The following TOP2B variants were observed in gnomAD, a reference collection of about 807,000 sequenced individuals.
The protein encoded by TOP2B is DNA topoisomerase 2-beta.
A neutral mutation model predicts 193.5 loss-of-function variants in TOP2B; 51 were observed. That is an observed-to-expected ratio of 0.26 (90% CI 0.21 to 0.33). TOP2B has a LOEUF of 0.33. Ranked by LOEUF, TOP2B falls within the 10% of genes least tolerant of loss-of-function variation. The probability of loss-of-function intolerance (pLI) is 1.00; values close to 1 mark genes in which losing one functional copy is unlikely to be tolerated. For synonymous variants in TOP2B, 634 were observed against 635.7 expected (o/e 1.00, Z 0.04); for missense variants, 1,378 against 1,909.3 (o/e 0.72, Z 5.19).
At chr3:25,600,166 T>G (rs969461101) in intron 34 of TOP2B, among the ~76,000 whole-genome samples, 2 of 152,200 alleles carry the variant, frequency 1.3e-5, no homozygotes, top group African/African-American at 4.8e-5. Context: ...TAACCTCTTA[T>G]TCTCATCATT....
chr3:25,612,516 T>C lies in TOP2B; in HGVS notation c.3785A>G (p.Lys1262Arg), dbSNP rs771122264. The C allele has an allele frequency of 1.2e-6, 2 of 1,603,646 alleles. No individual in the cohort carries two copies. Among genetic ancestry groups the C allele is most frequent in the Non-Finnish European group, 1.7e-6 (2 of 1,175,052 alleles). Residue 1262 changes from lysine (K) to arginine (R), a missense_variant and splice_region_variant, in exon 28 of 36, where the codon AAG (lysine) becomes AGG (arginine). Physicochemically the swap from Lys to Arg is conservative, Grantham distance 26. This residue lies in a region of TOP2B where 556 missense variants were observed against 584.2 expected (regional missense o/e 0.95). Transcript: ENST00000264331. ...TCAATGACAAGAGGTATGTCATACCTTCTTCTTCTTCAGCAACTTTTTGCT... is the reference window on the plus strand; with the variant it reads ...TCAATGACAAGAGGTATGTCATACCCTCTTCTTCTTCAGCAACTTTTTGCT... ...DASKKLLKKK[K>R]GDLDTAAVKV... is the part of the protein sequence containing the mutation.
chr3:25,643,640 G>C (rs1268371057), intron 3 of TOP2B, 54 bp downstream of exon 3: 4 of 1,322,026 alleles, frequency 3.0e-6, no homozygotes, highest in Middle Eastern at 1.8e-4. Flanking sequence ...TATATAAAAG[G>C]ACACTATGAT....
intron 3 of TOP2B, 55 bp downstream of exon 3, chr3:25,643,639 G>GCCA: frequency 1.5e-6 from 2 of 1,316,484 alleles, no homozygotes; most frequent in South Asian, 2.4e-5. Context: ...ATATATAAAA[G>GCCA]GACACTATGA....
Position 25,639,331 on chromosome 3 carries a change from T to C in TOP2B, c.396-1021A>G, listed in dbSNP as rs541889609. Among the ~76,000 whole-genome samples the C allele has an allele frequency of 2.0e-5, 3 of 152,306 alleles. 1 individual carries two copies. Among genetic ancestry groups the C allele is most frequent in the African/African-American group, 4.8e-5 (2 of 41,574 alleles). ...CGTTTGTTTTTGTTTTTGTTTGAGATAGAGTCTCGCTCTGTCATCCAGGCT... is the reference window on the plus strand; with the variant it reads ...CGTTTGTTTTTGTTTTTGTTTGAGACAGAGTCTCGCTCTGTCATCCAGGCT... On this transcript the variant is annotated intron_variant, in intron 4 of 35. Coordinates refer to ENST00000264331, the MANE Select transcript of TOP2B (RefSeq NM_001330700.2).
At chr3:25,664,105 C>T in intron 1 of TOP2B, 124 bp downstream of exon 1, 2 of 1,412,340 alleles carry the variant, frequency 1.4e-6, no homozygotes, top group Admixed American at 4.1e-5. Context: ...GCACAGGCCC[C>T]TATGGAGCGC....
rs538397193 is a variant in TOP2B, at chr3:25,606,790, T to C, written c.4298+381A>G. Among the ~76,000 whole-genome samples, 7 of 152,234 alleles carry C rather than the reference T, an allele frequency of 4.6e-5. No homozygotes were observed. The South Asian group carries it at 1.0e-3, about 23-fold the overall frequency. The stretch of plus-strand genomic sequence containing the variant: ...TAGTAACTTTTCTCAAAACCAGGGG[T>C]TGTCCAACTATATCCCATGGACCTG... On this transcript the variant is annotated intron_variant, in intron 31 of 35. Transcript: ENST00000264331.
chr3:25,620,110 G>A (rs978567524), intron 22 of TOP2B, 48 bp from the exon 23 acceptor site: 2 of 1,188,598 alleles, frequency 1.7e-6, no homozygotes, highest in Admixed American at 4.2e-5. Context: ...ACACTCTCAT[G>A]TTCTCATACT....
At chr3:25,648,982 C>T (rs2125401171) in intron 1 of TOP2B, among the ~76,000 whole-genome samples, 1 of 152,122 alleles carries the variant, frequency 6.6e-6, no homozygotes, top group South Asian at 2.1e-4. Context: ...TACAGATGAA[C>T]AAACAAAAAC....
intron 25 of TOP2B, among the ~76,000 whole-genome samples, chr3:25,616,892 A>T (rs1702519849): frequency 2.0e-5 from 3 of 152,200 alleles, no homozygotes; most frequent in East Asian, 1.9e-4. Flanking sequence ...ATTAAAAAAA[A>T]AAATAAACTT....
intron 1 of TOP2B, among the ~76,000 whole-genome samples, chr3:25,648,232 G>C (rs1049769817): frequency 6.6e-6 from 1 of 152,186 alleles, no homozygotes; most frequent in Non-Finnish European, 1.5e-5. Flanking sequence ...TGCAGTATCA[G>C]AAACAGACAC....
In TOP2B at chr3:25,664,532, A is replaced by G; in HGVS notation, c.-235T>C. ...CGCGGCGTCCGCGTCGCCCGGGCCTAGCGCGGCGGCTGAGGAGAAAGCAGG... is the reference window on the plus strand; with the variant it reads ...CGCGGCGTCCGCGTCGCCCGGGCCTGGCGCGGCGGCTGAGGAGAAAGCAGG... On this transcript the variant is annotated 5_prime_UTR_variant, in exon 1 of 36. Transcript: ENST00000264331. The G allele has an allele frequency of 8.8e-7, 1 of 1,139,474 alleles. No individual in the cohort carries two copies. Among genetic ancestry groups the G allele is most frequent in the Non-Finnish European group, 1.1e-6 (1 of 930,000 alleles). The allele number at this position is 1,139,474 out of a possible 1,614,324, so 70.6% of individuals were successfully genotyped here.
chr3:25,645,028 T>C (rs1289297830), intron 2 of TOP2B, among the ~76,000 whole-genome samples: 1 of 151,742 alleles, frequency 6.6e-6, no homozygotes, highest in African/African-American at 2.4e-5. Context: ...GCCAGGATGG[T>C]TTCGATCTCC....
chr3:25,632,669 T>C, intron 9 of TOP2B, 24 bp downstream of exon 9: 1 of 1,607,686 alleles, frequency 6.2e-7, no homozygotes, highest in Non-Finnish European at 8.5e-7. Flanking sequence ...ATGCATCATG[T>C]ACAATATATA....
chr3:25,642,659 C>A (rs1249091129), intron 3 of TOP2B, among the ~76,000 whole-genome samples: 2 of 152,040 alleles, frequency 1.3e-5, no homozygotes, highest in Non-Finnish European at 2.9e-5. Flanking sequence ...TAAGTAAGAA[C>A]AAACACCTGC....
rs1453970005 is a variant in TOP2B, at chr3:25,599,437, T to C, written c.4708A>G (p.Lys1570Glu). The C allele has an allele frequency of 2.5e-6, 4 of 1,612,974 alleles. No homozygotes were observed. Among genetic ancestry groups the C allele is most frequent in the Non-Finnish European group, 3.4e-6 (4 of 1,179,422 alleles). Residue 1570 changes from lysine (K) to glutamate (E), a missense_variant and splice_region_variant, in exon 35 of 36, where the codon AAG (lysine) becomes GAG (glutamate). Physicochemically the swap from Lys to Glu is moderately conservative, Grantham distance 56. Transcript: ENST00000264331. The part of the protein sequence containing the change: ...PGRKTSKTTS[K>E]KPKKTSFDQD... ...TATGCAATGATGTTCCCGGTTACCT[T>C]GCTTGTTGTTTTGGATGTTTTCCTG... is the stretch of plus-strand genomic sequence containing the variant.
At chr3:25,629,521 T>A (rs1276488282) in intron 13 of TOP2B, among the ~76,000 whole-genome samples, 1 of 152,092 alleles carries the variant, frequency 6.6e-6, no homozygotes, top group Non-Finnish European at 1.5e-5. Context: ...AGATAAAAAA[T>A]TGGAAAATTT....
intron 21 of TOP2B, among the ~76,000 whole-genome samples, chr3:25,622,799 C>T (rs751937878): frequency 4.6e-5 from 7 of 152,100 alleles, no homozygotes; most frequent in Admixed American, 1.3e-4. Context: ...CTCCAGCACA[C>T]CCGGCTAATT....
chr3:25,618,925 T>C (rs1702584524), intron 23 of TOP2B, 76 bp from the exon 24 acceptor site: 3 of 1,114,666 alleles, frequency 2.7e-6, no homozygotes, highest in South Asian at 2.0e-5. Context: ...TCTACAATAC[T>C]TAAAATAACC....
chr3:25,645,676 G>A (rs931552063), intron 1 of TOP2B, among the ~76,000 whole-genome samples: 2 of 152,124 alleles, frequency 1.3e-5, no homozygotes, highest in African/African-American at 2.4e-5. Context: ...CCCAAAACGT[G>A]GGTATAGTCA....
Sources: gnomAD v4.1 joint callset for allele counts (sites outside exome capture counted in the v4.1 genomes callset) on GRCh38, gnomAD v4.1.1 for gene constraint, gnomAD v4.1.1 regional missense constraint, MANE v1.5 for transcripts, NCBI Gene and HGNC (gene_info 2026-07-23, HGNC 2026-07-21) for gene names.